Variants in LRIG1 observed in about 807,000 individuals in gnomAD.
LRIG1 encodes the protein leucine-rich repeats and immunoglobulin-like domains protein 1.
LRIG1 carries 48 observed loss-of-function variants against 99.2 expected under a neutral mutation model. That is an observed-to-expected ratio of 0.48 (90% CI 0.38 to 0.62). LRIG1 has a LOEUF of 0.62. LRIG1 is among the 20% of genes least tolerant of loss of function. LRIG1 has a pLI of 0.00. For missense variants in LRIG1, 1,646 were observed against 1,434.4 expected (o/e 1.15, Z -2.38); for synonymous variants, 772 against 596.1 (o/e 1.29, Z -4.30).
intron 3 of LRIG1, 182 bp from the exon 4 acceptor site, chr3:66,417,448 T>C (rs576906011): frequency 5.9e-5 from 38 of 644,392 alleles, no homozygotes; most frequent in Admixed American, 4.8e-4. Flanking sequence ...TAGGAGAATA[T>C]TGGATTTTCA....
intron 7 of LRIG1, among the ~76,000 whole-genome samples, chr3:66,408,645 G>A (rs1702359976): frequency 6.6e-6 from 1 of 152,052 alleles, no homozygotes; most frequent in Non-Finnish European, 1.5e-5. Context: ...CTCAGGCTTC[G>A]GGGACTTAAA....
chr3:66,420,784 G>C (rs1559790720), intron 3 of LRIG1, among the ~76,000 whole-genome samples: 1 of 152,216 alleles, frequency 6.6e-6, no homozygotes, highest in African/African-American at 2.4e-5. Context: ...AGGGACCGGG[G>C]AGACCGCAGA....
At chr3:66,430,347 T>G (rs1330866160) in intron 3 of LRIG1, among the ~76,000 whole-genome samples, 1 of 152,238 alleles carries the variant, frequency 6.6e-6, no homozygotes, top group African/African-American at 2.4e-5. Context: ...TTTTCGATTT[T>G]CAAATAGCAC....
In LRIG1 at chr3:66,379,599, G is replaced by A. The variant is rs753647399; in HGVS notation, c.*664C>T. 6.6e-6 allele frequency: 1 copy of A among 151,806 alleles called. No homozygotes were observed. The highest frequency in any genetic ancestry group is 2.1e-4 in the South Asian group (1 of 4,800). The allele number at this position is 151,806 out of a possible 1,614,324, so 9.4% of individuals were successfully genotyped here. Reference sequence around the variant, plus strand: ...CGCCTTACAGACGGACAGATTCTACGCCTTACAGACAGACAGGACTTAAAC... The same window carrying A: ...CGCCTTACAGACGGACAGATTCTACACCTTACAGACAGACAGGACTTAAAC... On this transcript the variant is annotated 3_prime_UTR_variant, in exon 19 of 19. Transcript: ENST00000273261.
In LRIG1 at chr3:66,407,216, T is replaced by C. The variant is rs1431027677; in HGVS notation, c.1079+132A>G. 2.6e-5 allele frequency: 24 copies of C among 925,986 alleles called. 1 individual carries two copies. The highest frequency in any genetic ancestry group is 1.4e-4 in the South Asian group (9 of 62,314). The allele number at this position is 925,986 out of a possible 1,614,324, so 57.4% of individuals were successfully genotyped here. A position where few individuals can be genotyped will look rare whatever the true frequency, so the allele number is the denominator to read the frequency against. On this transcript the variant is annotated intron_variant, in intron 8 of 18. Transcript: ENST00000273261. Reference sequence around the variant, plus strand: ...ACATAAAAGTTTGAGACTCTGCACATAGAGCAAGCCAGCTTTGGATCCAAT... The same window carrying C: ...ACATAAAAGTTTGAGACTCTGCACACAGAGCAAGCCAGCTTTGGATCCAAT...
At chr3:66,397,319 G>C (rs1441391710) in intron 11 of LRIG1, among the ~76,000 whole-genome samples, 10 of 152,168 alleles carry the variant, frequency 6.6e-5, no homozygotes, top group Non-Finnish European at 2.9e-5. Context: ...GATGAGGTCA[G>C]GGCACAAAGA....
In LRIG1 at chr3:66,383,156, G is replaced by C; in HGVS notation, c.2317C>G (p.Arg773Gly). 1 of 1,614,212 alleles carries C rather than the reference G, an allele frequency of 6.2e-7. No individual in the cohort carries two copies. Among genetic ancestry groups the C allele is most frequent in the Admixed American group, 1.7e-5 (1 of 60,028 alleles). The change falls in exon 15 of 19, where the codon CGA becomes GGA. Residue 773 changes from arginine (R) to glycine (G), a missense_variant. Arg to Gly is a moderately radical substitution (Grantham distance 125). Transcript: ENST00000273261. ...AGGACGCTCAGCTGGCTGTGAGCTC[G>C]CTCCGTGCCCAGGGTGTTGGACATC... ...CEMSNTLGTE[R>G]AHSQLSVLPA...
intron 9 of LRIG1, among the ~76,000 whole-genome samples, chr3:66,403,137 G>A (rs778247344): frequency 6.6e-6 from 1 of 152,042 alleles, no homozygotes; most frequent in African/African-American, 2.4e-5. Flanking sequence ...TCCTCCTCCG[G>A]TCGTGCCAAT....
intron 3 of LRIG1, among the ~76,000 whole-genome samples, chr3:66,426,776 G>A (rs183255111): frequency 8.0e-4 from 122 of 152,214 alleles, no homozygotes; most frequent in Non-Finnish European, 6.5e-4. Flanking sequence ...ATCCTTCCTC[G>A]TTTCAGTTCC....
intron 8 of LRIG1, chr3:66,406,253 G>C: frequency 1.0e-6 from 1 of 985,464 alleles, no homozygotes; most frequent in Non-Finnish European, 1.2e-6. Flanking sequence ...CTCTCAATGG[G>C]TTCCTTCCTA....
At position 66,401,494 on chromosome 3, in the gene LRIG1, T is replaced by TA. The variant is rs142459506; in HGVS notation, c.1161-2454dup. The TA allele has an allele frequency of 8.8e-4, 558 of 634,642 alleles. 4 individuals carry two copies. In the African/African-American group the frequency reaches 9.4e-3, roughly 11 times the overall value. 39.3% of individuals were successfully genotyped at this position (634,642 alleles called of 1,614,324 possible). A position where few individuals can be genotyped will look rare whatever the true frequency, so the allele number is the denominator to read the frequency against. On this transcript the variant is annotated intron_variant, in intron 9 of 18. Coordinates refer to ENST00000273261, the MANE Select transcript of LRIG1 (RefSeq NM_015541.3). ...AAATATTAGTCACATTGACCTGTTT[T>TA]ACAATGAGGGCAGGCTGTTATTTTT...
chr3:66,382,193 T>C, intron 16 of LRIG1, 80 bp downstream of exon 16: 1 of 1,555,720 alleles, frequency 6.4e-7, no homozygotes, highest in Non-Finnish European at 8.8e-7. Context: ...GTACCTGCCC[T>C]GTAAAGACCT....
rs137913557 is a variant in LRIG1, at chr3:66,414,325, G to A, written c.647+595C>T. ...GGCAGGAGAATGGTGTGAACCCCGG[G>A]GGCGGAGCTTGCAGTGAGCTGAGAT... On this transcript the variant is annotated intron_variant, in intron 5 of 18. Transcript: ENST00000273261. Among the ~76,000 whole-genome samples the A allele has an allele frequency of 9.3e-3, 1,412 of 151,984 alleles. 25 individuals carry two copies. Among genetic ancestry groups the A allele is most frequent in the African/African-American group, 0.028 (1,147 of 41,444 alleles).
At chr3:66,426,240 A>T (rs1406373250) in intron 3 of LRIG1, among the ~76,000 whole-genome samples, 1 of 152,228 alleles carries the variant, frequency 6.6e-6, no homozygotes, top group Non-Finnish European at 1.5e-5. Flanking sequence ...TGTCTCTGTC[A>T]TGACCACTCA....
intron 5 of LRIG1, among the ~76,000 whole-genome samples, chr3:66,414,133 C>T (rs913119864): frequency 5.9e-5 from 9 of 152,146 alleles, no homozygotes; most frequent in African/African-American, 1.2e-4. Context: ...TGCGGTGGCT[C>T]ATGCCTGTAA....
At chr3:66,475,033 A>T (rs1441426641) in intron 1 of LRIG1, among the ~76,000 whole-genome samples, 52 of 152,318 alleles carry the variant, frequency 3.4e-4, no homozygotes, top group Middle Eastern at 6.8e-3. Context: ...GAGCATCTTC[A>T]CATCCAAACA....
At chr3:66,423,319 C>T (rs564084174) in intron 3 of LRIG1, among the ~76,000 whole-genome samples, 2 of 152,176 alleles carry the variant, frequency 1.3e-5, no homozygotes, top group South Asian at 2.1e-4. Context: ...GCCTGTAATC[C>T]CAGCACTTTA....
In LRIG1 at chr3:66,414,902, G is replaced by T; in HGVS notation, c.647+18C>A. The T allele has an allele frequency of 6.4e-7, 1 of 1,565,248 alleles. No homozygotes were observed. The highest frequency in any genetic ancestry group is 8.6e-7 in the Non-Finnish European group (1 of 1,159,066). ...AAGTTTGGCTAGCCTTAATTAAAGT[G>T]TAGGTTTCTGTACTCACAGTTGTGT... On this transcript the variant is annotated intron_variant, in intron 5 of 18. Transcript: ENST00000273261.
intron 3 of LRIG1, among the ~76,000 whole-genome samples, chr3:66,441,476 A>C (rs538520615): frequency 3.9e-5 from 6 of 152,278 alleles, no homozygotes; most frequent in African/African-American, 1.4e-4. Flanking sequence ...AGAGAGAGAG[A>C]CAGGGAAAGA....
Sources: gnomAD v4.1 joint callset for allele counts (sites outside exome capture counted in the v4.1 genomes callset) on GRCh38, gnomAD v4.1.1 for gene constraint, MANE v1.5 for transcripts, NCBI Gene and HGNC (gene_info 2026-07-23, HGNC 2026-07-21) for gene names.